The following AFF2 variants were observed in gnomAD, a reference collection of about 807,000 sequenced individuals.
AFF2 encodes the protein AF4/FMR2 family member 2.
Under a neutral mutation model 76.9 loss-of-function variants are expected in AFF2, and 14 were observed. The observed-to-expected ratio is 0.18, with a 90% confidence interval of 0.12 to 0.28. The LOEUF (loss-of-function observed/expected upper bound fraction) is 0.28. Among genes scored for constraint, AFF2 ranks in the 10% least tolerant of loss-of-function variants. The pLI is 1.00. For missense variants in AFF2, 868 were observed against 1,001.1 expected (o/e 0.87, Z 1.79); for synonymous variants, 398 against 366.7 (o/e 1.09, Z -0.98).
intron 1 of AFF2, among the ~76,000 whole-genome samples, chrX:148,579,819 A>T (rs2053333212): frequency 9.0e-6 from 1 of 111,607 alleles, no homozygotes; most frequent in Non-Finnish European, 1.9e-5. Flanking sequence ...CCAAATAGAC[A>T]TGATAAAATA....
At chrX:148,544,525 T>G (rs1365476988) in intron 1 of AFF2, among the ~76,000 whole-genome samples, 2 of 112,479 alleles carry the variant, frequency 1.8e-5, no homozygotes, top group Non-Finnish European at 3.8e-5. Context: ...TGCCTCTGTC[T>G]TAGGGATTGG....
At chrX:148,792,351 G>A (rs949419200) in intron 3 of AFF2, among the ~76,000 whole-genome samples, 1 of 112,704 alleles carries the variant, frequency 8.9e-6, no homozygotes, top group Non-Finnish European at 1.9e-5. Context: ...TATTCAGGAG[G>A]CTGAGGCAGG....
intron 4 of AFF2, among the ~76,000 whole-genome samples, chrX:148,826,194 C>A (rs1413111314): frequency 1.1e-5 from 1 of 87,454 alleles, no homozygotes; most frequent in South Asian, 6.1e-4. Context: ...CATCCACTGG[C>A]AGTGGATTCT....
chrX:148,761,527 A>C (rs1321025068), intron 3 of AFF2, among the ~76,000 whole-genome samples: 1 of 106,856 alleles, frequency 9.4e-6, no homozygotes, highest in Non-Finnish European at 1.9e-5. Flanking sequence ...AACATTCGCA[A>C]TCCAGTCTAC....
intron 3 of AFF2, among the ~76,000 whole-genome samples, chrX:148,709,892 G>C (rs782409002): frequency 1.8e-5 from 2 of 111,794 alleles, no homozygotes; most frequent in Admixed American, 9.5e-5. Flanking sequence ...CTCTTTAGAG[G>C]GCTTTTCAAA....
intron 9 of AFF2, among the ~76,000 whole-genome samples, chrX:148,935,453 A>G (rs1370834564): frequency 9.0e-6 from 1 of 111,139 alleles, no homozygotes; most frequent in Non-Finnish European, 1.9e-5. Context: ...ATACAATTCT[A>G]TGCCCAAATT....
intron 1 of AFF2, among the ~76,000 whole-genome samples, chrX:148,552,928 G>T (rs1236559853): frequency 8.9e-6 from 1 of 111,750 alleles, no homozygotes; most frequent in Non-Finnish European, 1.9e-5. Flanking sequence ...GGTATTTGTT[G>T]CTTGGTAGGA....
chrX:148,995,490 C>CGGG lies in AFF2; in HGVS notation c.*4163_*4165dup, dbSNP rs1165385117. 2 of 45,955 alleles carry CGGG rather than the reference C, an allele frequency of 4.4e-5. No individual in the cohort carries two copies. The highest frequency in any genetic ancestry group is 2.5e-4 in the Admixed American group (1 of 4,063). 3.8% of individuals were successfully genotyped at this position (45,955 alleles called of 1,213,427 possible). A position where few individuals can be genotyped will look rare whatever the true frequency, so the allele number is the denominator to read the frequency against. ...GGCAGAAAGGGGGTGGGGGTGGGGG[C>CGGG]GGGGGGGTGGGGGGTGGGGAAGCCC... On this transcript the variant is annotated 3_prime_UTR_variant, in exon 21 of 21. Transcript: ENST00000370460.
At chrX:148,762,420 T>TATATATATATATATATATATATAC (rs1225408056) in intron 3 of AFF2, among the ~76,000 whole-genome samples, 2,190 of 100,999 alleles carry the variant, frequency 0.022, 145 homozygotes, top group African/African-American at 0.093. Flanking sequence ...TATATATATA[T>TATATATATATATATATATATATAC]ACACATGCAC....
intron 7 of AFF2, among the ~76,000 whole-genome samples, chrX:148,864,961 A>C (rs781858690): frequency 8.9e-6 from 1 of 112,061 alleles, no homozygotes; most frequent in African/African-American, 3.2e-5. Flanking sequence ...AGCAATTTAT[A>C]ATGTGTTAGC....
intron 1 of AFF2, among the ~76,000 whole-genome samples, chrX:148,638,020 CTT>C (rs1557254100): frequency 9.0e-6 from 1 of 110,736 alleles, no homozygotes; most frequent in African/African-American, 3.3e-5. Context: ...TCTCGGAGGT[CTT>C]TCCACCACAT....
intron 9 of AFF2, among the ~76,000 whole-genome samples, chrX:148,927,482 CT>C (rs200955633): frequency 9.1e-6 from 1 of 109,729 alleles, no homozygotes; most frequent in Non-Finnish European, 1.9e-5. Flanking sequence ...TTTTCCTTTC[CT>C]TTTTTTTCTG....
At chrX:148,749,493 A>G (rs1442569807) in intron 3 of AFF2, among the ~76,000 whole-genome samples, 1 of 111,466 alleles carries the variant, frequency 9.0e-6, no homozygotes, top group Non-Finnish European at 1.9e-5. Context: ...ATTTTAATTG[A>G]CAAATTCTAA....
At chrX:148,540,416 T>C (rs1261098119) in intron 1 of AFF2, among the ~76,000 whole-genome samples, 5 of 109,259 alleles carry the variant, frequency 4.6e-5, no homozygotes, top group Admixed American at 9.8e-5. Context: ...CCTTTTTTTT[T>C]TTTTTTTCAT....
chrX:148,809,967 T>C (rs368746289), intron 4 of AFF2, 47 bp downstream of exon 4: 8 of 1,117,129 alleles, frequency 7.2e-6, no homozygotes, highest in Non-Finnish European at 9.8e-6. Context: ...TGAAGCAATC[T>C]ATCTGCTTAA....
chrX:148,969,266 A>G (rs781903315), intron 15 of AFF2, among the ~76,000 whole-genome samples: 1 of 113,144 alleles, frequency 8.8e-6, no homozygotes, highest in African/African-American at 3.2e-5. Flanking sequence ...CTATGGGGGT[A>G]AAAATTGGTT....
chrX:148,570,690 A>G (rs782088986), intron 1 of AFF2, among the ~76,000 whole-genome samples: 1 of 111,456 alleles, frequency 9.0e-6, no homozygotes, highest in African/African-American at 3.3e-5. Flanking sequence ...TTTGTTTCCC[A>G]GTTCTAGAGG....
chrX:148,771,969 T>A (rs2069593525), intron 3 of AFF2, among the ~76,000 whole-genome samples: 1 of 111,676 alleles, frequency 9.0e-6, no homozygotes, highest in African/African-American at 3.3e-5. Context: ...ATGGAAAGTT[T>A]ACTTGAAAAA....
chrX:148,585,934 A>G (rs1168975220), intron 1 of AFF2, among the ~76,000 whole-genome samples: 1 of 111,482 alleles, frequency 9.0e-6, no homozygotes, highest in Non-Finnish European at 1.9e-5. Context: ...TTAAAGCCCA[A>G]AATATATGTT....
Sources: allele counts gnomAD v4.1 joint callset (sites outside exome capture counted in the v4.1 genomes callset), GRCh38; gene constraint gnomAD v4.1.1; transcripts MANE v1.5; gene names NCBI Gene and HGNC (gene_info 2026-07-23, HGNC 2026-07-21).